PTGER3: variants seen among roughly 807,000 people sequenced by gnomAD.
The protein encoded by PTGER3 is prostaglandin E receptor 3, also known as prostaglandin E2 receptor EP3 subtype.
Under a neutral mutation model 34.7 loss-of-function variants are expected in PTGER3, and 22 were observed. That is an observed-to-expected ratio of 0.63 (90% CI 0.45 to 0.91). The LOEUF is 0.91. Ranked by LOEUF, PTGER3 falls within the 40% of genes least tolerant of loss-of-function variation. The pLI, the probability that PTGER3 is intolerant of heterozygous loss-of-function variation, is 0.00. For synonymous variants in PTGER3, 241 were observed against 230.1 expected (o/e 1.05, Z -0.43); for missense variants, 468 against 519.4 (o/e 0.90, Z 0.96).
At chr1:70,923,338 A>G (rs903382118) in intron 4 of PTGER3, among the ~76,000 whole-genome samples, 1 of 152,134 alleles carries the variant, frequency 6.6e-6, no homozygotes, top group African/African-American at 2.4e-5. Flanking sequence ...TGAAATTGCT[A>G]TATGCCACAG....
chr1:70,980,665 A>G (rs143374179), intron 2 of PTGER3, among the ~76,000 whole-genome samples: 39 of 152,258 alleles, frequency 2.6e-4, no homozygotes, highest in African/African-American at 9.2e-4. Context: ...GTTAATGTAT[A>G]TAAAACACTT....
At chr1:70,916,502 T>A (rs1647177753) in intron 4 of PTGER3, among the ~76,000 whole-genome samples, 1 of 152,030 alleles carries the variant, frequency 6.6e-6, no homozygotes, top group Admixed American at 6.6e-5. Context: ...AGTGGTGGAC[T>A]GGATTAAGAA....
chr1:70,974,177 TA>T (rs1572818318), intron 3 of PTGER3, 119 bp downstream of exon 3: 2 of 1,369,336 alleles, frequency 1.5e-6, no homozygotes, highest in East Asian at 5.2e-5. Context: ...TAATCAGATG[TA>T]TATGTTTAAT....
intron 1 of PTGER3, among the ~76,000 whole-genome samples, chr1:71,020,697 A>AGAGTGTGTGT (rs1553177514): frequency 4.8e-5 from 7 of 144,788 alleles, no homozygotes; most frequent in African/African-American, 1.8e-4. Context: ...ATGTTAGCAG[A>AGAGTGTGTGT]GTGTGTGTGT....
intron 4 of PTGER3, among the ~76,000 whole-genome samples, chr1:70,887,661 T>C (rs115971358): frequency 0.017 from 2,602 of 152,290 alleles, 73 homozygotes; most frequent in African/African-American, 0.06. Context: ...TTTCTCTGTA[T>C]ATAAATTTCA....
At chr1:71,001,506 T>C in intron 2 of PTGER3, among the ~76,000 whole-genome samples, 1 of 152,158 alleles carries the variant, frequency 6.6e-6, no homozygotes, top group Non-Finnish European at 1.5e-5. Context: ...AGTGGGAACC[T>C]GAAATTTCTT....
intron 1 of PTGER3, among the ~76,000 whole-genome samples, chr1:71,038,079 T>A (rs2100980665): frequency 6.6e-6 from 1 of 152,368 alleles, no homozygotes; most frequent in Middle Eastern, 3.4e-3. Flanking sequence ...TGTGAATTTC[T>A]CAGAATGAAT....
downstream of PTGER3, among the ~76,000 whole-genome samples, chr1:70,949,373 T>C (rs1225733888): frequency 6.6e-6 from 1 of 152,170 alleles, no homozygotes; most frequent in African/African-American, 2.4e-5. Flanking sequence ...GCTCCTCCTC[T>C]TAAAGTGTCC....
chr1:71,033,627 A>G (rs1024947923), intron 1 of PTGER3, among the ~76,000 whole-genome samples: 2 of 152,206 alleles, frequency 1.3e-5, no homozygotes, highest in Non-Finnish European at 2.9e-5. Context: ...TACTGATTGC[A>G]TGCATGGATA....
intron 1 of PTGER3, among the ~76,000 whole-genome samples, chr1:71,036,513 T>C (rs879580324): frequency 2.0e-5 from 3 of 151,512 alleles, no homozygotes; most frequent in Non-Finnish European, 4.4e-5. Context: ...CAAGACCCTA[T>C]CTCAAAATAA....
At chr1:70,904,098 A>AG (rs1646896562) in intron 4 of PTGER3, among the ~76,000 whole-genome samples, 1 of 150,776 alleles carries the variant, frequency 6.6e-6, no homozygotes, top group East Asian at 2.0e-4. Flanking sequence ...TGGTTTTAAA[A>AG]CTGGAGTTTC....
chr1:70,948,370 C>A (rs990620184), downstream of PTGER3, among the ~76,000 whole-genome samples: 2 of 152,090 alleles, frequency 1.3e-5, no homozygotes, highest in African/African-American at 4.8e-5. Flanking sequence ...CTTCCTGCTG[C>A]CATGTGAATA....
intron 4 of PTGER3, among the ~76,000 whole-genome samples, chr1:70,926,614 T>A (rs1032099240): frequency 2.6e-5 from 4 of 152,200 alleles, no homozygotes; most frequent in African/African-American, 9.7e-5. Flanking sequence ...TATACAATGA[T>A]GTCGTCTGCA....
chr1:70,982,374 T>G (rs1412392292), intron 2 of PTGER3, among the ~76,000 whole-genome samples: 1 of 152,164 alleles, frequency 6.6e-6, no homozygotes, highest in African/African-American at 2.4e-5. Flanking sequence ...AAGAAATTCC[T>G]GATGTCTGAC....
intron 4 of PTGER3, among the ~76,000 whole-genome samples, chr1:70,912,785 T>G (rs937140019): frequency 9.2e-5 from 14 of 152,112 alleles, no homozygotes; most frequent in Admixed American, 2.6e-4. Context: ...CTTTGGCACT[T>G]TTATTGAAAA....
At chr1:70,875,310 T>G (rs1646250679) in intron 4 of PTGER3, among the ~76,000 whole-genome samples, 1 of 152,196 alleles carries the variant, frequency 6.6e-6, no homozygotes, top group Admixed American at 6.5e-5. Flanking sequence ...ACATTAAAAT[T>G]AATTCTCTAA....
intron 4 of PTGER3, among the ~76,000 whole-genome samples, chr1:70,931,701 G>A (rs568583251): frequency 5.9e-5 from 9 of 152,184 alleles, no homozygotes; most frequent in Non-Finnish European, 1.3e-4. Flanking sequence ...GGAACAGCTT[G>A]GATGCAGAGC....
At chr1:70,984,972 C>T (rs775753397) in intron 2 of PTGER3, among the ~76,000 whole-genome samples, 1 of 152,126 alleles carries the variant, frequency 6.6e-6, no homozygotes, top group African/African-American at 2.4e-5. Flanking sequence ...TCCATCCCCT[C>T]CCCACTCTCA....
chr1:70,892,975 G>A (rs1486213676), intron 4 of PTGER3, among the ~76,000 whole-genome samples: 1 of 151,706 alleles, frequency 6.6e-6, no homozygotes, highest in Admixed American at 6.6e-5. Flanking sequence ...TGATCTATGT[G>A]CTTTCTGTGA....
Sources: gnomAD v4.1 joint callset for allele counts (sites outside exome capture counted in the v4.1 genomes callset) on GRCh38, gnomAD v4.1.1 for gene constraint, MANE v1.5 for transcripts, NCBI Gene and HGNC (gene_info 2026-07-23, HGNC 2026-07-21) for gene names.